SLC38A11: variants seen among roughly 807,000 people sequenced by gnomAD.
The protein encoded by SLC38A11 is putative sodium-coupled neutral amino acid transporter 11.
Under a neutral mutation model 49.4 loss-of-function variants are expected in SLC38A11, and 51 were observed. The ratio of observed to expected loss-of-function variants is 1.03; its 90% CI spans 0.83 to 1.30. The LOEUF (loss-of-function observed/expected upper bound fraction) is 1.30, where lower values mean the gene tolerates loss of function less well. SLC38A11 is among the 50% of genes most tolerant of loss of function. The probability of loss-of-function intolerance (pLI) is 0.00; values close to 1 mark genes in which losing one functional copy is unlikely to be tolerated. For missense variants in SLC38A11, 574 were observed against 556.2 expected (o/e 1.03, Z -0.32); for synonymous variants, 203 against 192.9 (o/e 1.05, Z -0.43).
In SLC38A11 at chr2:164,911,696, T is replaced by C; in HGVS notation, c.903A>G (p.Arg301=). 1 of 1,607,862 alleles carries C rather than the reference T, an allele frequency of 6.2e-7. No individual in the cohort carries two copies. Among genetic ancestry groups the C allele is most frequent in the Non-Finnish European group, 8.5e-7 (1 of 1,176,826 alleles). The stretch of plus-strand genomic sequence containing the variant: ...AAATGACAGTGACACCATAACAAAA[T>C]CTTCCAAATGTTACCAGGTCATCAT... The part of the protein sequence containing the change: ...CRNDDLVTFG[R]FCYGVTVILT... Residue 301 remains arginine, a synonymous_variant, in exon 10 of 12, where the codon AGA becomes AGG. Transcript: ENST00000685975.
At chr2:164,940,826 A>G (rs1377692958) in intron 5 of SLC38A11, among the ~76,000 whole-genome samples, 2 of 151,800 alleles carry the variant, frequency 1.3e-5, no homozygotes, top group Non-Finnish European at 2.9e-5. Flanking sequence ...TACTAATGGA[A>G]TAGTTGAAAT....
intron 7 of SLC38A11, among the ~76,000 whole-genome samples, chr2:164,917,865 G>C (rs531293468): frequency 6.6e-6 from 1 of 151,758 alleles, no homozygotes; most frequent in Non-Finnish European, 1.5e-5. Flanking sequence ...GTATATTCCC[G>C]GAGTGTGAAA....
chr2:164,925,989 T>C (rs1214666238), intron 7 of SLC38A11, among the ~76,000 whole-genome samples: 1 of 152,216 alleles, frequency 6.6e-6, no homozygotes, highest in African/African-American at 2.4e-5. Context: ...CTTCATTCAA[T>C]CAGTCACTAA....
chr2:164,912,029 T>C (rs1354656891), intron 9 of SLC38A11: 4 of 190,120 alleles, frequency 2.1e-5, no homozygotes, highest in Non-Finnish European at 3.2e-5. Flanking sequence ...TAATAGGTGC[T>C]ACCATCTAGA....
chr2:164,900,183 C>T (rs1194792900), intron 11 of SLC38A11, among the ~76,000 whole-genome samples: 1 of 152,050 alleles, frequency 6.6e-6, no homozygotes, highest in African/African-American at 2.4e-5. Context: ...ATGACATTCT[C>T]TGTATCCATT....
intron 2 of SLC38A11, among the ~76,000 whole-genome samples, chr2:164,953,595 C>T (rs1688663386): frequency 6.6e-6 from 1 of 151,814 alleles, no homozygotes; most frequent in South Asian, 2.1e-4. Context: ...TCCCTGTTTC[C>T]TTCTACTTTA....
chr2:164,920,053 G>A (rs1686074672), intron 7 of SLC38A11, among the ~76,000 whole-genome samples: 1 of 152,064 alleles, frequency 6.6e-6, no homozygotes, highest in Admixed American at 6.5e-5. Context: ...AGGGAGGTGG[G>A]TCACAAGGTC....
In SLC38A11 at chr2:164,920,201, G is replaced by C. The variant is rs1324484092; in HGVS notation, c.618-4228C>G. Among the ~76,000 whole-genome samples, 6 of 151,722 alleles carry C rather than the reference G, an allele frequency of 4.0e-5. No homozygotes were observed. The East Asian group carries it at 7.7e-4, about 20-fold the overall frequency. ...AGGCAGGAGAATCACTTGAACCTGG[G>C]GGGTGGAGGTTGCAGTGAGCAGAGA... On this transcript the variant is annotated intron_variant, in intron 7 of 11. Coordinates refer to ENST00000685975, the MANE Select transcript of SLC38A11 (RefSeq NM_001351537.2).
intron 7 of SLC38A11, among the ~76,000 whole-genome samples, chr2:164,936,989 A>G (rs1687417017): frequency 6.6e-6 from 1 of 152,178 alleles, no homozygotes; most frequent in South Asian, 2.1e-4. Flanking sequence ...ATTTTGTTTA[A>G]TGGATAAAAA....
intron 7 of SLC38A11, among the ~76,000 whole-genome samples, chr2:164,930,684 G>T (rs971725858): frequency 1.3e-5 from 2 of 152,000 alleles, no homozygotes; most frequent in African/African-American, 4.8e-5. Context: ...ATGCCAAAAA[G>T]GCTTTTGATA....
At chr2:164,915,514 T>A in intron 8 of SLC38A11, 1 of 436,448 alleles carries the variant, frequency 2.3e-6, no homozygotes, top group South Asian at 5.7e-5. Flanking sequence ...TCCAACATTC[T>A]CTCTCATTTT....
In SLC38A11 at chr2:164,939,436, A is replaced by G. The variant is rs773489146; in HGVS notation, c.537+14T>C. The G allele has an allele frequency of 3.8e-6, 6 of 1,563,142 alleles. No homozygotes were observed. The African/African-American group carries it at 8.2e-5, about 21-fold the overall frequency. On this transcript the variant is annotated intron_variant, in intron 6 of 11. Transcript: ENST00000685975. ...AAGGTACATTTCTATGCCCATTTAA[A>G]ATGTAAAAATTACCTTTCCAAGCTT... is the stretch of plus-strand genomic sequence containing the variant.
At chr2:164,913,022 TA>T (rs1685505863) in intron 9 of SLC38A11, among the ~76,000 whole-genome samples, 1 of 152,046 alleles carries the variant, frequency 6.6e-6, no homozygotes, top group Non-Finnish European at 1.5e-5. Flanking sequence ...AATTGAAAAT[TA>T]AATTTTTTTA....
intron 5 of SLC38A11, among the ~76,000 whole-genome samples, chr2:164,939,819 G>A (rs1687629024): frequency 6.6e-6 from 1 of 151,740 alleles, no homozygotes; most frequent in African/African-American, 2.4e-5. Context: ...TAGCCTCCTT[G>A]ACAGTTTTCA....
chr2:164,931,364 T>G (rs1686994668), intron 7 of SLC38A11, among the ~76,000 whole-genome samples: 1 of 151,912 alleles, frequency 6.6e-6, no homozygotes, highest in Admixed American at 6.6e-5. Context: ...AATTTACAGA[T>G]TCAATGTCAT....
intron 9 of SLC38A11, among the ~76,000 whole-genome samples, chr2:164,912,815 C>CAT (rs1685493764): frequency 6.6e-6 from 1 of 151,920 alleles, no homozygotes. Context: ...TGAAGAAATA[C>CAT]AGGGATCTAA....
intron 7 of SLC38A11, among the ~76,000 whole-genome samples, chr2:164,927,382 T>C (rs1686675251): frequency 6.6e-6 from 1 of 152,296 alleles, no homozygotes; most frequent in East Asian, 1.9e-4. Flanking sequence ...AGAACCAATT[T>C]CAGCAGTTTT....
At chr2:164,948,932 T>C (rs1688324770) in intron 3 of SLC38A11, among the ~76,000 whole-genome samples, 1 of 149,958 alleles carries the variant, frequency 6.7e-6, no homozygotes, top group South Asian at 2.1e-4. Context: ...AAGTATCTCC[T>C]CCTCCCTAGA....
intron 5 of SLC38A11, 89 bp from the exon 6 acceptor site, chr2:164,939,645 T>G: frequency 1.4e-6 from 1 of 719,748 alleles, no homozygotes; most frequent in Non-Finnish European, 2.2e-6. Flanking sequence ...TTATAAAAAT[T>G]ACTTAAACAT....
Sources: allele counts gnomAD v4.1 joint callset (sites outside exome capture counted in the v4.1 genomes callset), GRCh38; gene constraint gnomAD v4.1.1; transcripts MANE v1.5; gene names NCBI Gene and HGNC (gene_info 2026-07-23, HGNC 2026-07-21).